The following CEP68 variants were observed in gnomAD, a reference collection of about 807,000 sequenced individuals.
CEP68 encodes centrosomal protein of 68 kDa.
Under a neutral mutation model 55.3 loss-of-function variants are expected in CEP68, and 26 were observed. The observed-to-expected ratio is 0.47, with a 90% CI of 0.34 to 0.65. CEP68 has a LOEUF of 0.65. Among genes scored for constraint, CEP68 ranks in the 30% least tolerant of loss-of-function variants. CEP68 has a pLI of 0.01. For missense variants in CEP68, 957 were observed against 946.7 expected (o/e 1.01, Z -0.14); for synonymous variants, 402 against 383.2 (o/e 1.05, Z -0.57).
At position 65,072,102 on chromosome 2, in the gene CEP68, C is replaced by G; in HGVS notation, c.1006C>G (p.Leu336Val). Residue 336 changes from leucine (L) to valine (V), a missense_variant, in exon 3 of 7, where the codon CTG (leucine) becomes GTG (valine). Transcript: ENST00000377990. ...DPVLQDSGVD[L>V]DSFSVSPAST... ...TGTCCTGCAGGACTCCGGGGTAGAC[C>G]TGGATAGCTTCTCTGTCTCTCCAGC... 1 of 1,614,082 alleles carries G rather than the reference C, an allele frequency of 6.2e-7. No homozygotes were observed. The highest frequency in any genetic ancestry group is 8.5e-7 in the Non-Finnish European group (1 of 1,180,024).
chr2:65,063,003 G>A (rs1018746000), intron 1 of CEP68, among the ~76,000 whole-genome samples: 2 of 152,216 alleles, frequency 1.3e-5, no homozygotes, highest in Admixed American at 1.3e-4. Flanking sequence ...GTGAGTGGGA[G>A]GAAGCCCGGC....
At chr2:65,076,324 T>G (rs1025636295) in intron 4 of CEP68, among the ~76,000 whole-genome samples, 1 of 152,138 alleles carries the variant, frequency 6.6e-6, no homozygotes, top group Non-Finnish European at 1.5e-5. Flanking sequence ...CTCCGTCTTA[T>G]CCCTCCTGCC....
intron 5 of CEP68, 120 bp downstream of exon 5, chr2:65,078,084 C>T (rs1332608856): frequency 1.4e-5 from 9 of 655,414 alleles, no homozygotes; most frequent in Non-Finnish European, 2.4e-5. Context: ...ACACCCACTG[C>T]CCGAGATGCC....
chr2:65,083,375 C>T (rs1558570969), intron 6 of CEP68, among the ~76,000 whole-genome samples: 4 of 152,226 alleles, frequency 2.6e-5, no homozygotes. Context: ...GTGTGTCCAC[C>T]ACAGAGTTGC....
chr2:65,060,309 C>T (rs1675850891), intron 1 of CEP68, among the ~76,000 whole-genome samples: 2 of 152,142 alleles, frequency 1.3e-5, no homozygotes, highest in South Asian at 4.1e-4. Context: ...GTTATTGAGG[C>T]CAGAGAATTC....
At chr2:65,070,446 T>TA (rs896748076) in intron 2 of CEP68, among the ~76,000 whole-genome samples, 2 of 151,832 alleles carry the variant, frequency 1.3e-5, no homozygotes, top group African/African-American at 4.8e-5. Context: ...GCCCAGCTCT[T>TA]ACATTCTTTT....
intron 1 of CEP68, among the ~76,000 whole-genome samples, chr2:65,067,388 G>A (rs1676245288): frequency 6.6e-6 from 1 of 151,860 alleles, no homozygotes; most frequent in African/African-American, 2.4e-5. Context: ...AGTTTCTGGG[G>A]GAACAAAAGT....
intron 4 of CEP68, chr2:65,075,155 A>C (rs1198618621): frequency 6.6e-6 from 1 of 152,016 alleles, no homozygotes; most frequent in African/African-American, 2.4e-5. Context: ...CTTGGCTCAC[A>C]CTATTAATCC....
At chr2:65,077,020 G>A (rs772392778) in intron 4 of CEP68, among the ~76,000 whole-genome samples, 14 of 22,876 alleles carry the variant, frequency 6.1e-4, no homozygotes, top group Admixed American at 1.7e-3. Flanking sequence ...TTTTTGAGAC[G>A]GAGCCTCTCT....
chr2:65,057,314 T>G (rs1675678639), intron 1 of CEP68, among the ~76,000 whole-genome samples: 1 of 152,228 alleles, frequency 6.6e-6, no homozygotes, highest in Non-Finnish European at 1.5e-5. Context: ...ATGAAGAGTG[T>G]TGTGTTAAAG....
Position 65,071,648 on chromosome 2 carries a change from G to A in CEP68, c.552G>A (p.Val184=), listed in dbSNP as rs766051901. 2.5e-6 allele frequency: 4 copies of A among 1,614,202 alleles called. No homozygotes were observed. Among genetic ancestry groups the A allele is most frequent in the Non-Finnish European group, 3.4e-6 (4 of 1,180,032 alleles). Residue 184 remains valine (V), a synonymous_variant, in exon 3 of 7, where the codon GTG becomes GTA. Transcript: ENST00000377990. ...CTTGCCTGTCACAGTGGAAGTCCGT[G>A]CTGAGCCCAGGTTCCGCAGCTCAGC... is the stretch of plus-strand genomic sequence containing the variant. ...GLSCLSQWKS[V]LSPGSAAQPS...
intron 1 of CEP68, among the ~76,000 whole-genome samples, chr2:65,059,040 T>C (rs1419234725): frequency 6.6e-6 from 1 of 152,168 alleles, no homozygotes; most frequent in Non-Finnish European, 1.5e-5. Flanking sequence ...GATGGGGGCC[T>C]CATGTGGCTG....
In CEP68 at chr2:65,083,732, T is replaced by C. The variant is rs1324132145; in HGVS notation, c.*98T>C. The C allele has an allele frequency of 2.0e-5, 3 of 152,228 alleles. No homozygotes were observed. The highest frequency in any genetic ancestry group is 7.2e-5 in the African/African-American group (3 of 41,452). The allele number at this position is 152,228 out of a possible 1,614,324, so 9.4% of individuals were successfully genotyped here. A position where few individuals can be genotyped will look rare whatever the true frequency, so the allele number is the denominator to read the frequency against. ...AGTCCTTGCAAGAGCCATTCAACAC[T>C]GAAGTCAAGGGGGAAACCTTCAATA... On this transcript the variant is annotated 3_prime_UTR_variant, in exon 7 of 7. Coordinates refer to ENST00000377990, the MANE Select transcript of CEP68 (RefSeq NM_015147.3).
At chr2:65,066,888 C>T (rs1450052372) in intron 1 of CEP68, among the ~76,000 whole-genome samples, 4 of 149,184 alleles carry the variant, frequency 2.7e-5, no homozygotes, top group Admixed American at 6.7e-5. Flanking sequence ...GAACTGAGAT[C>T]GCACCAGTGC....
chr2:65,072,385 A>G lies in CEP68; in HGVS notation c.1289A>G (p.His430Arg). ...GAKDRLTIGK[H>R]LDMGSPQLRT... Reference sequence around the variant, plus strand: ...AAGGACCGGCTGACTATAGGCAAGCACCTTGATATGGGCTCTCCCCAGCTA... The same window carrying G: ...AAGGACCGGCTGACTATAGGCAAGCGCCTTGATATGGGCTCTCCCCAGCTA... The change falls in exon 3 of 7, where the codon CAC becomes CGC. Residue 430 changes from histidine to arginine, a missense_variant. Physicochemically the swap from His to Arg is conservative, Grantham distance 29. Coordinates refer to ENST00000377990, the MANE Select transcript of CEP68 (RefSeq NM_015147.3). 6.2e-7 allele frequency: 1 copy of G among 1,613,874 alleles called. No individual in the cohort carries two copies. Among genetic ancestry groups the G allele is most frequent in the Non-Finnish European group, 8.5e-7 (1 of 1,180,010 alleles).
At chr2:65,056,594 G>A (rs1447957145) in intron 1 of CEP68, 66 bp downstream of exon 1, 1 of 119,720 alleles carries the variant, frequency 8.4e-6, no homozygotes, top group Non-Finnish European at 1.7e-5. Flanking sequence ...CGGTGGCCCG[G>A]GCTAGATCCG....
Position 65,082,560 on chromosome 2 carries a change from T to C in CEP68, c.2129T>C (p.Ile710Thr). 1 of 1,587,204 alleles carries C rather than the reference T, an allele frequency of 6.3e-7. No homozygotes were observed. ...GTTTTAGAGGATGTCCTTGGGAGGA[T>C]CGCAAAGCAGTCTGGTGAGCTGGAG... is the stretch of plus-strand genomic sequence containing the variant. ...TPVLEDVLGR[I>T]AKQSGELESH... The change falls in exon 6 of 7, where the codon ATC becomes ACC. Residue 710 changes from isoleucine (I) to threonine (T), a missense_variant. Physicochemically the swap from Ile to Thr is moderately conservative, Grantham distance 89. Coordinates refer to ENST00000377990, the MANE Select transcript of CEP68 (RefSeq NM_015147.3).
At chr2:65,063,316 C>G (rs1428814880) in intron 1 of CEP68, among the ~76,000 whole-genome samples, 1 of 152,158 alleles carries the variant, frequency 6.6e-6, no homozygotes, top group Non-Finnish European at 1.5e-5. Flanking sequence ...AGACCTTTCT[C>G]AGAGGGTAAG....
intron 6 of CEP68, 145 bp downstream of exon 6, chr2:65,082,854 T>C (rs1420183): frequency 0.67 from 408,891 of 614,818 alleles, 137,754 homozygotes; most frequent in Non-Finnish European, 0.68. Flanking sequence ...AAAAAAGGAG[T>C]TGCTGGTCTT....
Sources: gnomAD v4.1 joint callset for allele counts (sites outside exome capture counted in the v4.1 genomes callset) on GRCh38, gnomAD v4.1.1 for gene constraint, MANE v1.5 for transcripts, NCBI Gene and HGNC (gene_info 2026-07-23, HGNC 2026-07-21) for gene names.